Variants in PDGFRB observed in about 807,000 individuals in gnomAD.
PDGFRB encodes platelet-derived growth factor receptor beta.
In PDGFRB, 42 loss-of-function variants were observed where a neutral mutation model predicts 120.2. The ratio of observed to expected loss-of-function variants is 0.35; its 90% CI spans 0.27 to 0.45. The LOEUF (loss-of-function observed/expected upper bound fraction) is 0.45. Among genes scored for constraint, PDGFRB ranks in the 20% least tolerant of loss-of-function variants. PDGFRB has a pLI of 1.00. For missense variants in PDGFRB, 1,149 were observed against 1,476.3 expected (o/e 0.78, Z 3.63); for synonymous variants, 586 against 606.8 (o/e 0.97, Z 0.50).
intron 10 of PDGFRB, among the ~76,000 whole-genome samples, chr5:150,128,610 C>A (rs145793596): frequency 2.0e-5 from 3 of 152,352 alleles, no homozygotes; most frequent in African/African-American, 7.2e-5. Flanking sequence ...ACTCATTTTG[C>A]CTCTGGGCTT....
intron 8 of PDGFRB, among the ~76,000 whole-genome samples, chr5:150,131,245 C>A (rs1400883186): frequency 6.6e-6 from 1 of 152,184 alleles, no homozygotes; most frequent in Non-Finnish European, 1.5e-5. Context: ...TCCCAGCCCC[C>A]ACTGCCCTAT....
At chr5:150,136,754 G>A (rs1315732819) in intron 2 of PDGFRB, among the ~76,000 whole-genome samples, 4 of 152,144 alleles carry the variant, frequency 2.6e-5, no homozygotes, top group Admixed American at 2.0e-4. Context: ...GGTGGGATGG[G>A]GTCTGGAGGG....
intron 1 of PDGFRB, among the ~76,000 whole-genome samples, chr5:150,154,675 C>T (rs1036956245): frequency 2.6e-5 from 4 of 152,120 alleles, no homozygotes; most frequent in South Asian, 2.1e-4. Flanking sequence ...AGGGAGACAA[C>T]GAGGAGGCCT....
rs919729599 is a variant in PDGFRB, at chr5:150,115,410, G to C, written c.*353C>G. On this transcript the variant is annotated 3_prime_UTR_variant, in exon 23 of 23. Transcript: ENST00000261799. The stretch of plus-strand genomic sequence containing the variant: ...CTCAGTAACTCCAAGAATCTTCCCA[G>C]GGAGGGATTCGGTCTCCCCACCTGT... The C allele has an allele frequency of 3.1e-5, 8 of 255,976 alleles. No individual in the cohort carries two copies. The highest frequency in any genetic ancestry group is 6.0e-5 in the Non-Finnish European group (8 of 134,360). 15.9% of individuals were successfully genotyped at this position (255,976 alleles called of 1,614,324 possible).
At chr5:150,140,526 G>A (rs1295188105) in intron 1 of PDGFRB, among the ~76,000 whole-genome samples, 1 of 152,216 alleles carries the variant, frequency 6.6e-6, no homozygotes, top group Non-Finnish European at 1.5e-5. Flanking sequence ...AGGCTCAGAG[G>A]CCCAAAGTGG....
At position 150,129,963 on chromosome 5, in the gene PDGFRB, G is replaced by C. The variant is rs1395004196; in HGVS notation, c.1373C>G (p.Pro458Arg). The stretch of plus-strand genomic sequence containing the variant: ...CAGCAGCGTGGGCGGCAGCTCACGT[G>C]GACACCTGCCAGGAGAGCCGGTAGG... The part of the protein sequence containing the change: ...WSACRDLKRC[P>R]RELPPTLLGN... Residue 458 changes from proline (P) to arginine (R), a missense_variant, in exon 10 of 23, where the codon CCA (proline) becomes CGA (arginine). Physicochemically the swap from Pro to Arg is moderately radical, Grantham distance 103. Coordinates refer to ENST00000261799, the MANE Select transcript of PDGFRB (RefSeq NM_002609.4). 6.2e-7 allele frequency: 1 copy of C among 1,613,322 alleles called. No individual in the cohort carries two copies. Among genetic ancestry groups the C allele is most frequent in the Admixed American group, 1.7e-5 (1 of 60,034 alleles).
intron 1 of PDGFRB, among the ~76,000 whole-genome samples, chr5:150,143,597 A>G (rs113470393): frequency 6.6e-6 from 1 of 152,208 alleles, no homozygotes; most frequent in African/African-American, 2.4e-5. Flanking sequence ...GGAAAGGGAT[A>G]GCAGCACAGC....
rs576800485 is a variant in PDGFRB, at chr5:150,121,507, C to T, written c.2345-185G>A. Among the ~76,000 whole-genome samples, 17 of 152,380 alleles carry T rather than the reference C, an allele frequency of 1.1e-4. No homozygotes were observed. In the East Asian group the frequency reaches 3.3e-3, roughly 29 times the overall value. ...AGTTCTCCTGCTTTATCAGTGCCCT[C>T]ATTGGCCTTTTGGCATTAGCCCTTG... is the stretch of plus-strand genomic sequence containing the variant. On this transcript the variant is annotated intron_variant, in intron 16 of 22. Coordinates refer to ENST00000261799, the MANE Select transcript of PDGFRB (RefSeq NM_002609.4). This position sits in a 1 kb window ranked among gnomAD's most constrained non-coding sequence, Gnocchi z 4.1.
At position 150,120,625 on chromosome 5, in the gene PDGFRB, G is replaced by C. The variant is rs139586205; in HGVS notation, c.2586+263C>G. Among the ~76,000 whole-genome samples the C allele has an allele frequency of 2.8e-4, 43 of 152,152 alleles. No homozygotes were observed. Among genetic ancestry groups the C allele is most frequent in the Admixed American group, 4.6e-4 (7 of 15,284 alleles). The stretch of plus-strand genomic sequence containing the variant: ...CACCACCACTGGAACAACACATTCG[G>C]CCTGTTCCCCCTTCCCCCACCCTGG... On this transcript the variant is annotated intron_variant, in intron 18 of 22. Transcript: ENST00000261799. The surrounding 1 kb of genome is among the most constrained non-coding windows in gnomAD (Gnocchi z 4.3).
intron 2 of PDGFRB, 56 bp downstream of exon 2, chr5:150,136,951 TC>T: frequency 7.4e-7 from 1 of 1,345,766 alleles, no homozygotes; most frequent in Non-Finnish European, 1.1e-6. Context: ...CCCTGCCAGC[TC>T]CAGGGTTCCA....
At position 150,132,124 on chromosome 5, in the gene PDGFRB, T is replaced by A. The variant is rs2113905969; in HGVS notation, c.1128-30A>T. 8.5e-7 allele frequency: 1 copy of A among 1,181,898 alleles called. No homozygotes were observed. Among genetic ancestry groups the A allele is most frequent in the Non-Finnish European group, 1.3e-6 (1 of 787,932 alleles). 73.2% of individuals were successfully genotyped at this position (1,181,898 alleles called of 1,614,324 possible). ...GGAGCAGGAAAGGCAGCTGTCAGAG[T>A]CGGAAGGACTCTTACAGTTCTCCCC... On this transcript the variant is annotated intron_variant, in intron 7 of 22. Coordinates refer to ENST00000261799, the MANE Select transcript of PDGFRB (RefSeq NM_002609.4). The surrounding 1 kb of genome is among the most constrained non-coding windows in gnomAD (Gnocchi z 5.0).
chr5:150,126,468 T>C, intron 11 of PDGFRB, 52 bp downstream of exon 11: 1 of 972,302 alleles, frequency 1.0e-6, no homozygotes, highest in Non-Finnish European at 1.7e-6. Context: ...GTGGAATTTA[T>C]GCAAAATAAT....
At chr5:150,146,769 C>T (rs1034286783) in intron 1 of PDGFRB, among the ~76,000 whole-genome samples, 1 of 152,172 alleles carries the variant, frequency 6.6e-6, no homozygotes, top group Non-Finnish European at 1.5e-5. Context: ...GTCTCCTGAC[C>T]AGAAACAGTT....
rs1376023584 is a variant in PDGFRB at position 150,124,177 on chromosome 5, G to A, written c.2023+73C>T. ...GAGTGTGCTGTTGTGCAAGGCCTGAGGGGGGGGTAGGCGGGGCCTGGCCTT... is the reference window on the plus strand; with the variant it reads ...GAGTGTGCTGTTGTGCAAGGCCTGAAGGGGGGGTAGGCGGGGCCTGGCCTT... On this transcript the variant is annotated intron_variant, in intron 14 of 22. Coordinates refer to ENST00000261799, the MANE Select transcript of PDGFRB (RefSeq NM_002609.4). 9 of 861,988 alleles carry A rather than the reference G, an allele frequency of 1.0e-5. No individual in the cohort carries two copies. In the African/African-American group the frequency reaches 1.4e-4, roughly 13 times the overall value. The allele number at this position is 861,988 out of a possible 1,614,324, so 53.4% of individuals were successfully genotyped here.
chr5:150,154,935 G>A (rs760258471), intron 1 of PDGFRB, among the ~76,000 whole-genome samples: 9 of 152,194 alleles, frequency 5.9e-5, no homozygotes, highest in Non-Finnish European at 1.2e-4. Context: ...GTTGCCTGGC[G>A]GCTGACTGGC....
In PDGFRB at chr5:150,125,433, C is replaced by G; in HGVS notation, c.1807+12G>C. Reference sequence around the variant, plus strand: ...GTCCCCACACTGCCACATGAGGCCTCTCAGGACTGACCCAGCACAAGCTGG... The same window carrying G: ...GTCCCCACACTGCCACATGAGGCCTGTCAGGACTGACCCAGCACAAGCTGG... On this transcript the variant is annotated intron_variant, in intron 12 of 22. Coordinates refer to ENST00000261799, the MANE Select transcript of PDGFRB (RefSeq NM_002609.4). The G allele has an allele frequency of 1.2e-6, 2 of 1,609,864 alleles. No individual in the cohort carries two copies. Among genetic ancestry groups the G allele is most frequent in the Non-Finnish European group, 8.5e-7 (1 of 1,177,008 alleles).
In PDGFRB at chr5:150,132,962, G is replaced by C. The variant is rs1227090136; in HGVS notation, c.935-20C>G. 4 of 1,531,482 alleles carry C rather than the reference G, an allele frequency of 2.6e-6. No individual in the cohort carries two copies. Among genetic ancestry groups the C allele is most frequent in the Non-Finnish European group, 3.5e-6 (4 of 1,132,616 alleles). The allele number at this position is 1,531,482 out of a possible 1,614,324, so 94.9% of individuals were successfully genotyped here. On this transcript the variant is annotated intron_variant, in intron 6 of 22. Transcript: ENST00000261799. This position sits in a 1 kb window ranked among gnomAD's most constrained non-coding sequence, Gnocchi z 5.0. ...CGCTCTCTGCAAGGGGTGACCGTCA[G>C]GGGCGGGGCCCTGGGGGCAGGGCAC...
At chr5:150,125,378 G>A in intron 12 of PDGFRB, 67 bp downstream of exon 12, 1 of 1,439,756 alleles carries the variant, frequency 6.9e-7, no homozygotes, top group Non-Finnish European at 9.5e-7. Context: ...GCTGGGACCA[G>A]ACCTCAGAGA....
At chr5:150,149,716 G>A (rs768186536) in intron 1 of PDGFRB, among the ~76,000 whole-genome samples, 12 of 152,196 alleles carry the variant, frequency 7.9e-5, no homozygotes, top group Non-Finnish European at 1.8e-4. Flanking sequence ...GCCAGGAGGG[G>A]CCAGGGCTTC....
Sources: gnomAD v4.1 joint callset for allele counts (sites outside exome capture counted in the v4.1 genomes callset) on GRCh38, gnomAD v4.1.1 for gene constraint, Gnocchi (gnomAD v3.1) non-coding constraint, MANE v1.5 for transcripts, NCBI Gene and HGNC (gene_info 2026-07-23, HGNC 2026-07-21) for gene names.